The following SORCS3 variants were observed in gnomAD, a reference collection of about 807,000 sequenced individuals.
SORCS3 encodes VPS10 domain-containing receptor SorCS3.
SORCS3 carries 57 observed loss-of-function variants against 146.3 expected under a neutral mutation model. The observed-to-expected ratio is 0.39, with a 90% confidence interval of 0.31 to 0.49. The LOEUF is 0.49. SORCS3 is among the 20% of genes least tolerant of loss of function. The probability of loss-of-function intolerance (pLI) is 0.92; values close to 1 mark genes in which losing one functional copy is unlikely to be tolerated. For synonymous variants in SORCS3, 653 were observed against 618.5 expected (o/e 1.06, Z -0.83); for missense variants, 1,341 against 1,575.5 (o/e 0.85, Z 2.52).
intron 14 of SORCS3, among the ~76,000 whole-genome samples, chr10:105,185,091 C>T (rs2056466765): frequency 6.6e-6 from 1 of 152,070 alleles, no homozygotes; most frequent in Non-Finnish European, 1.5e-5. Context: ...GCTTTTTTCA[C>T]CTAACATAAT....
intron 1 of SORCS3, among the ~76,000 whole-genome samples, chr10:104,680,418 C>T (rs368884171): frequency 1.3e-5 from 2 of 152,200 alleles, no homozygotes; most frequent in African/African-American, 2.4e-5. Flanking sequence ...TAGTGAGTCT[C>T]ATCTCTAGGC....
intron 1 of SORCS3, among the ~76,000 whole-genome samples, chr10:104,705,193 A>G (rs1460453162): frequency 4.0e-5 from 5 of 125,644 alleles, no homozygotes; most frequent in African/African-American, 1.5e-4. Flanking sequence ...ATGTGTATTT[A>G]TTTGCTCATC....
At chr10:104,661,112 G>A (rs1051486881) in intron 1 of SORCS3, among the ~76,000 whole-genome samples, 2 of 152,074 alleles carry the variant, frequency 1.3e-5, no homozygotes, top group Non-Finnish European at 2.9e-5. Flanking sequence ...ACTTCCTCTT[G>A]CTCTGTTCTT....
chr10:104,782,629 A>G (rs181219023), intron 1 of SORCS3, among the ~76,000 whole-genome samples: 1 of 152,232 alleles, frequency 6.6e-6, no homozygotes, highest in African/African-American at 2.4e-5. Context: ...GAGTTAGAAC[A>G]CTCTTCTTAT....
intron 1 of SORCS3, among the ~76,000 whole-genome samples, chr10:104,754,337 C>T (rs1330532900): frequency 6.6e-6 from 1 of 152,142 alleles, no homozygotes; most frequent in East Asian, 1.9e-4. Flanking sequence ...GCAGGGCCTC[C>T]AGAATCTCTC....
intron 1 of SORCS3, among the ~76,000 whole-genome samples, chr10:104,758,823 C>T (rs901996389): frequency 2.6e-5 from 4 of 152,254 alleles, no homozygotes; most frequent in South Asian, 2.1e-4. Flanking sequence ...CCCTTTTTAG[C>T]GGCCGGACAG....
chr10:104,687,025 C>T (rs1214995123), intron 1 of SORCS3, among the ~76,000 whole-genome samples: 2 of 152,180 alleles, frequency 1.3e-5, no homozygotes, highest in Non-Finnish European at 2.9e-5. Flanking sequence ...ATTCATCCAT[C>T]CATGCATCCA....
chr10:105,016,155 A>ATATATATATATATATATATATATATAT (rs71482443), intron 4 of SORCS3, among the ~76,000 whole-genome samples: 4 of 101,322 alleles, frequency 3.9e-5, no homozygotes, highest in African/African-American at 1.9e-4. Context: ...ATATATATAT[A>ATATATATATATATATATATATATATAT]TTTTTTTTTT....
intron 3 of SORCS3, among the ~76,000 whole-genome samples, chr10:104,921,301 C>A (rs1006809549): frequency 3.3e-5 from 5 of 152,140 alleles, no homozygotes; most frequent in Admixed American, 6.5e-5. Context: ...CTCCCATGGG[C>A]GAGCTTATTT....
chr10:105,245,712 T>C (rs1446425479), intron 21 of SORCS3, 47 bp downstream of exon 21: 4 of 1,596,460 alleles, frequency 2.5e-6, no homozygotes, highest in Non-Finnish European at 3.4e-6. Flanking sequence ...GCTCAGTTAA[T>C]CTCCTGTGTC....
intron 5 of SORCS3, among the ~76,000 whole-genome samples, chr10:105,062,849 C>T (rs1301799433): frequency 6.6e-6 from 1 of 152,188 alleles, no homozygotes; most frequent in Non-Finnish European, 1.5e-5. Context: ...TCTAGCCCCA[C>T]CACAGTGCCA....
intron 1 of SORCS3, 120 bp downstream of exon 1, chr10:104,642,074 T>C: frequency 1.6e-6 from 2 of 1,213,426 alleles, no homozygotes; most frequent in Non-Finnish European, 2.2e-6. Flanking sequence ...GCCTCGACTT[T>C]TCGAGATAAC....
intron 1 of SORCS3, among the ~76,000 whole-genome samples, chr10:104,796,814 A>T (rs1344040054): frequency 6.6e-6 from 1 of 152,218 alleles, no homozygotes; most frequent in African/African-American, 2.4e-5. Flanking sequence ...GAGGCAGACC[A>T]CACTTTCAGG....
rs188968066 is a variant in SORCS3 at position 105,034,002 on chromosome 10, C to T, written c.955-9053C>T. On this transcript the variant is annotated intron_variant, in intron 4 of 26. Transcript: ENST00000369701. Reference sequence around the variant, plus strand: ...AAATAGTCATTGAACATCTGCTCTTCCCATACCTGGCACAGTATTAAGCAC... The same window carrying T: ...AAATAGTCATTGAACATCTGCTCTTTCCATACCTGGCACAGTATTAAGCAC... Among the ~76,000 whole-genome samples the T allele has an allele frequency of 2.0e-5, 3 of 152,266 alleles. No homozygotes were observed. In the East Asian group the frequency reaches 5.8e-4, roughly 29 times the overall value.
At chr10:105,174,735 A>G (rs1380135498) in intron 13 of SORCS3, among the ~76,000 whole-genome samples, 4 of 152,082 alleles carry the variant, frequency 2.6e-5, no homozygotes, top group Non-Finnish European at 4.4e-5. Flanking sequence ...TCCTTTAGGT[A>G]TCTGCCGATC....
intron 4 of SORCS3, among the ~76,000 whole-genome samples, chr10:104,997,975 G>C (rs1377082940): frequency 2.0e-5 from 3 of 152,136 alleles, no homozygotes; most frequent in Non-Finnish European, 4.4e-5. Context: ...GGCCTTTGTA[G>C]ACTGTACAGA....
intron 14 of SORCS3, among the ~76,000 whole-genome samples, chr10:105,183,399 T>C (rs751905537): frequency 1.1e-4 from 16 of 152,134 alleles, no homozygotes; most frequent in Non-Finnish European, 1.5e-4. Context: ...CCTTTTCCAC[T>C]TAAAAAACTG....
chr10:104,702,347 G>A (rs879770509), intron 1 of SORCS3, among the ~76,000 whole-genome samples: 13 of 152,108 alleles, frequency 8.5e-5, no homozygotes, highest in Non-Finnish European at 1.8e-4. Flanking sequence ...TCAGTGGCAC[G>A]ATTTCAGCTC....
chr10:104,719,043 C>T (rs1045722724), intron 1 of SORCS3, among the ~76,000 whole-genome samples: 2 of 152,064 alleles, frequency 1.3e-5, no homozygotes, highest in Admixed American at 1.3e-4. Context: ...TTAATTTATT[C>T]AATATATCCA....
Sources: allele counts gnomAD v4.1 joint callset (sites outside exome capture counted in the v4.1 genomes callset), GRCh38; gene constraint gnomAD v4.1.1; transcripts MANE v1.5; gene names NCBI Gene and HGNC (gene_info 2026-07-23, HGNC 2026-07-21).